KCNAB2: variants seen among roughly 807,000 people sequenced by gnomAD.
KCNAB2 encodes the protein voltage-gated potassium channel subunit beta-2.
KCNAB2 carries 29 observed loss-of-function variants against 63.6 expected under a neutral mutation model. The ratio of observed to expected loss-of-function variants is 0.46; its 90% CI spans 0.34 to 0.62. The LOEUF is 0.62. Among genes scored for constraint, KCNAB2 ranks in the 20% least tolerant of loss-of-function variants. The pLI is 0.01. For missense variants in KCNAB2, 359 were observed against 563.9 expected (o/e 0.64, Z 3.68); for synonymous variants, 222 against 224.2 (o/e 0.99, Z 0.09).
intron 2 of KCNAB2, 85 bp from the exon 3 acceptor site, chr1:6,072,670 T>TG (rs1013761386): frequency 9.9e-6 from 14 of 1,410,624 alleles, no homozygotes; most frequent in Non-Finnish European, 1.4e-5. Flanking sequence ...GGGGAGTGGG[T>TG]GGGGGGCTGG....
chr1:6,098,757 A>C lies in KCNAB2; in HGVS notation c.*183A>C. 1 of 725,904 alleles carries C rather than the reference A, an allele frequency of 1.4e-6. No homozygotes were observed. The highest frequency in any genetic ancestry group is 2.2e-6 in the Non-Finnish European group (1 of 454,606). 45.0% of individuals were successfully genotyped at this position (725,904 alleles called of 1,614,324 possible). On this transcript the variant is annotated 3_prime_UTR_variant, in exon 16 of 16. Coordinates refer to ENST00000378083, the MANE Select transcript of KCNAB2 (RefSeq NM_001199862.2). ...GACACCACCCACTGCTTCGCCGGAC[A>C]ATGTCGAAGTCCAGTCTGTGCCGGG...
At chr1:6,082,866 C>T (rs575480464) in intron 5 of KCNAB2, among the ~76,000 whole-genome samples, 9 of 152,316 alleles carry the variant, frequency 5.9e-5, no homozygotes, top group African/African-American at 9.6e-5. Flanking sequence ...CCTCCTTCTG[C>T]CCCCCTCCTG....
chr1:6,063,641 C>T (rs987326472), intron 2 of KCNAB2, among the ~76,000 whole-genome samples: 2 of 152,056 alleles, frequency 1.3e-5, no homozygotes, highest in African/African-American at 4.8e-5. Flanking sequence ...AAATTCCTGA[C>T]CTCAGGTGAT....
rs1033081857 is a variant in KCNAB2 at position 6,028,934 on chromosome 1, G to A, written c.-52-11583G>A. 4.6e-5 allele frequency among the ~76,000 whole-genome samples: 7 copies of A among 152,216 alleles called. No individual in the cohort carries two copies. The highest frequency in any genetic ancestry group is 2.6e-4 in the Admixed American group (4 of 15,284). On this transcript the variant is annotated intron_variant, in intron 1 of 16. Transcript: ENST00000341524. This position sits in a 1 kb window ranked among gnomAD's most constrained non-coding sequence, Gnocchi z 4.0. ...TTCCAGGATGATTCGGAATTTGGAT[G>A]CAGCCACAGAAAGCCTAAGCGCCAC...
rs377590999 is a variant in KCNAB2, at chr1:6,009,129, A to T, written c.-53+16341A>T. 2.6e-5 allele frequency among the ~76,000 whole-genome samples: 4 copies of T among 152,332 alleles called. No homozygotes were observed. The East Asian group carries it at 7.7e-4, about 29-fold the overall frequency. Reference sequence around the variant, plus strand: ...TGACTGGACATTCTCATCTCGGGACATGAGCTAGGGTCACCCAGCACCACT... The same window carrying T: ...TGACTGGACATTCTCATCTCGGGACTTGAGCTAGGGTCACCCAGCACCACT... On this transcript the variant is annotated intron_variant, in intron 1 of 16. Transcript: ENST00000341524.
In KCNAB2 at chr1:6,074,120, C is replaced by T. The variant is rs1557484942; in HGVS notation, c.300+350C>T. On this transcript the variant is annotated intron_variant, in intron 4 of 15. Coordinates refer to ENST00000378083, the MANE Select transcript of KCNAB2 (RefSeq NM_001199862.2). The surrounding 1 kb of genome is among the most constrained non-coding windows in gnomAD (Gnocchi z 4.9). ...GCACACGCTTCCCAAATTCTGAAGC[C>T]GGATGCAGGTCCTAGCTGCCCCCAT... Among the ~76,000 whole-genome samples the T allele has an allele frequency of 1.3e-5, 2 of 152,198 alleles. No individual in the cohort carries two copies.
intron 4 of KCNAB2, among the ~76,000 whole-genome samples, chr1:6,076,609 A>G (rs1318239899): frequency 6.6e-6 from 1 of 152,202 alleles, no homozygotes; most frequent in Non-Finnish European, 1.5e-5. Flanking sequence ...GGCTATAAAC[A>G]GGTGCAGGGG....
intron 1 of KCNAB2, among the ~76,000 whole-genome samples, chr1:6,039,035 C>G (rs1244748649): frequency 5.9e-5 from 9 of 152,182 alleles, no homozygotes; most frequent in Admixed American, 3.3e-4. Context: ...ACACACCCCC[C>G]CCAGAGAGGG....
At chr1:6,027,746 G>A (rs1304390361) in intron 1 of KCNAB2, among the ~76,000 whole-genome samples, 1 of 152,142 alleles carries the variant, frequency 6.6e-6, no homozygotes, top group East Asian at 1.9e-4. Context: ...GCTCCGTTCG[G>A]CAGTCATGAC....
upstream of KCNAB2, chr1:6,041,740 T>G: frequency 2.6e-6 from 3 of 1,161,486 alleles, no homozygotes; most frequent in Non-Finnish European, 3.9e-6. Flanking sequence ...TGGTTCTTTC[T>G]GACCTGCACC....
rs1231674442 is a variant in KCNAB2, at chr1:6,099,564, C to T, written c.*990C>T. On this transcript the variant is annotated 3_prime_UTR_variant, in exon 16 of 16. Transcript: ENST00000378083. ...GTGCACAAGGATGCACTCCTCTCGG[C>T]CCCTGTAGACTTTCTCTAAAGCCGC... 4.0e-6 allele frequency: 2 copies of T among 503,964 alleles called. No individual in the cohort carries two copies. The highest frequency in any genetic ancestry group is 6.8e-6 in the Non-Finnish European group (2 of 294,858). The allele number at this position is 503,964 out of a possible 1,614,324, so 31.2% of individuals were successfully genotyped here.
exon 2 of KCNAB2, chr1:6,040,559 G>A: frequency 6.2e-7 from 1 of 1,613,634 alleles, no homozygotes; most frequent in Non-Finnish European, 8.5e-7. Context: ...GGATAAGTGA[G>A]GCTGGCTCCA....
At position 6,089,056 on chromosome 1, in the gene KCNAB2, G is replaced by A; in HGVS notation, c.514+5G>A. On this transcript the variant is annotated splice_donor_5th_base_variant and intron_variant, in intron 8 of 15. Transcript: ENST00000378083. The stretch of plus-strand genomic sequence containing the variant: ...CCAGGAAGCACATAATCGAAGGTGA[G>A]GACGCGCTCGGGCACCTCAGGGCCC... 1 of 1,548,708 alleles carries A rather than the reference G, an allele frequency of 6.5e-7. No homozygotes were observed. The highest frequency in any genetic ancestry group is 8.7e-7 in the Non-Finnish European group (1 of 1,146,340).
chr1:6,027,629 G>A (rs1457024583), intron 1 of KCNAB2, among the ~76,000 whole-genome samples: 4 of 152,238 alleles, frequency 2.6e-5, no homozygotes, highest in African/African-American at 9.6e-5. Context: ...TGTCGTATTT[G>A]TAATCAGGGA....
chr1:6,009,778 GTCTC>G (rs534062362), intron 1 of KCNAB2, among the ~76,000 whole-genome samples: 85 of 152,148 alleles, frequency 5.6e-4, no homozygotes, highest in Admixed American at 2.8e-3. Flanking sequence ...TTCCCTCTCT[GTCTC>G]TCTATGTCTT....
At chr1:6,041,731 G>A, upstream of KCNAB2, 1 of 1,043,636 alleles carries the variant, frequency 9.6e-7, no homozygotes, top group South Asian at 1.3e-5. Context: ...GGACATTGGT[G>A]GTTCTTTCTG....
At chr1:6,039,677 G>A (rs745734894) in intron 1 of KCNAB2, among the ~76,000 whole-genome samples, 1 of 152,172 alleles carries the variant, frequency 6.6e-6, no homozygotes, top group Non-Finnish European at 1.5e-5. Flanking sequence ...TGCCGGGACT[G>A]GGCTCACCTT....
Position 6,071,192 on chromosome 1 carries a change from A to C in KCNAB2, c.219-1563A>C, listed in dbSNP as rs1309727709. 1.3e-5 allele frequency among the ~76,000 whole-genome samples: 2 copies of C among 152,144 alleles called. No individual in the cohort carries two copies. The highest frequency in any genetic ancestry group is 2.9e-5 in the Non-Finnish European group (2 of 68,030). ...GGCTTGAGCCCCATGCCGCCTTCCC[A>C]GGGGCCAGGCTTGGACAGGAAAGAG... On this transcript the variant is annotated intron_variant, in intron 2 of 15. Transcript: ENST00000378083. This position sits in a 1 kb window ranked among gnomAD's most constrained non-coding sequence, Gnocchi z 8.5.
chr1:5,995,124 G>A (rs923890178), intron 1 of KCNAB2, among the ~76,000 whole-genome samples: 24 of 152,142 alleles, frequency 1.6e-4, no homozygotes, highest in African/African-American at 4.8e-4. Flanking sequence ...TTTTCCTGGC[G>A]TCCCTGAATA....
Sources: allele counts gnomAD v4.1 joint callset (sites outside exome capture counted in the v4.1 genomes callset), GRCh38; gene constraint gnomAD v4.1.1; non-coding constraint Gnocchi (gnomAD v3.1); transcripts MANE v1.5; gene names NCBI Gene and HGNC (gene_info 2026-07-23, HGNC 2026-07-21).